The following CNTNAP2 variants were observed in gnomAD, a reference collection of about 807,000 sequenced individuals.
The protein encoded by CNTNAP2 is contactin-associated protein-like 2.
In CNTNAP2, 98 loss-of-function variants were observed where a neutral mutation model predicts 155.2. The ratio of observed to expected loss-of-function variants is 0.63; its 90% confidence interval spans 0.54 to 0.75. The LOEUF (loss-of-function observed/expected upper bound fraction) is 0.75. Ranked by LOEUF, CNTNAP2 falls within the 30% of genes least tolerant of loss-of-function variation. The pLI, the probability that CNTNAP2 is intolerant of heterozygous loss-of-function variation, is 0.00. For synonymous variants in CNTNAP2, 651 were observed against 631.2 expected, an observed-to-expected ratio of 1.03 and a Z score of -0.47; for missense variants, 1,727 against 1,688.1, an observed-to-expected ratio of 1.02 and a Z score of -0.40.
chr7:147,744,686 G>A (rs950611583), intron 13 of CNTNAP2, among the ~76,000 whole-genome samples: 3 of 152,192 alleles, frequency 2.0e-5, no homozygotes, highest in Non-Finnish European at 4.4e-5. Flanking sequence ...GTTTTCTGGT[G>A]AGGGCTCTCT....
At chr7:146,926,094 T>G (rs1394411053) in intron 3 of CNTNAP2, among the ~76,000 whole-genome samples, 1 of 152,198 alleles carries the variant, frequency 6.6e-6, no homozygotes, top group African/African-American at 2.4e-5. Context: ...ATGCTTATAG[T>G]AGCTGACTGT....
chr7:146,709,520 T>C (rs1239202070), intron 1 of CNTNAP2, among the ~76,000 whole-genome samples: 1 of 152,142 alleles, frequency 6.6e-6, no homozygotes, highest in Admixed American at 6.6e-5. Context: ...AAGCCTAAAG[T>C]TTGTTGCTCA....
At chr7:147,476,767 A>C (rs900995976) in intron 10 of CNTNAP2, among the ~76,000 whole-genome samples, 5 of 152,076 alleles carry the variant, frequency 3.3e-5, no homozygotes, top group African/African-American at 1.2e-4. Flanking sequence ...TTTTCTACTA[A>C]AAATACAAAA....
At chr7:147,957,669 C>T (rs1462400186) in intron 14 of CNTNAP2, among the ~76,000 whole-genome samples, 3 of 152,010 alleles carry the variant, frequency 2.0e-5, no homozygotes, top group Admixed American at 2.0e-4. Context: ...TTTTGCAATT[C>T]TAAAATCATC....
chr7:146,446,613 A>T (rs559760316), intron 1 of CNTNAP2, among the ~76,000 whole-genome samples: 1 of 152,242 alleles, frequency 6.6e-6, no homozygotes, highest in East Asian at 1.9e-4. Flanking sequence ...CATGTGAGAC[A>T]TTGAAACAGT....
intron 1 of CNTNAP2, among the ~76,000 whole-genome samples, chr7:146,677,951 C>T (rs2129169305): frequency 6.6e-6 from 1 of 152,214 alleles, no homozygotes; most frequent in South Asian, 2.1e-4. Flanking sequence ...TCTGGGCCTG[C>T]ATACCTCGCA....
chr7:147,927,318 C>T (rs1022854152), intron 14 of CNTNAP2, among the ~76,000 whole-genome samples: 1 of 152,146 alleles, frequency 6.6e-6, no homozygotes, highest in African/African-American at 2.4e-5. Context: ...TTGAGAAAAA[C>T]TCTGATGGTC....
intron 10 of CNTNAP2, among the ~76,000 whole-genome samples, chr7:147,399,385 G>A (rs1269902499): frequency 6.6e-6 from 1 of 152,164 alleles, no homozygotes; most frequent in East Asian, 1.9e-4. Flanking sequence ...AGAGACGCGT[G>A]TACCCTAGAC....
At chr7:147,421,191 G>A (rs934615660) in intron 10 of CNTNAP2, among the ~76,000 whole-genome samples, 1 of 152,148 alleles carries the variant, frequency 6.6e-6, no homozygotes, top group African/African-American at 2.4e-5. Flanking sequence ...GAAAAGCAGT[G>A]TTTAGCATCA....
chr7:147,435,349 G>A (rs1480330198), intron 10 of CNTNAP2, among the ~76,000 whole-genome samples: 1 of 152,158 alleles, frequency 6.6e-6, no homozygotes, highest in Non-Finnish European at 1.5e-5. Flanking sequence ...CGGTGATTCT[G>A]GAACTTGAGC....
intron 15 of CNTNAP2, among the ~76,000 whole-genome samples, chr7:148,023,205 A>T (rs966870975): frequency 6.6e-6 from 1 of 152,192 alleles, no homozygotes; most frequent in Non-Finnish European, 1.5e-5. Flanking sequence ...AGGGGAGACA[A>T]ATGTCTCTTG....
intron 9 of CNTNAP2, among the ~76,000 whole-genome samples, chr7:147,317,080 A>C (rs1367509156): frequency 6.6e-6 from 1 of 152,298 alleles, no homozygotes; most frequent in Non-Finnish European, 1.5e-5. Context: ...CTATTTAAGT[A>C]TTTATTTATT....
chr7:148,211,342 A>G (rs1250736430), intron 18 of CNTNAP2, among the ~76,000 whole-genome samples: 1 of 152,202 alleles, frequency 6.6e-6, no homozygotes, highest in Non-Finnish European at 1.5e-5. Context: ...GTAAGCAAAT[A>G]TTAAAGGGTT....
At chr7:147,353,585 T>G (rs1282674247) in intron 9 of CNTNAP2, among the ~76,000 whole-genome samples, 1 of 152,190 alleles carries the variant, frequency 6.6e-6, no homozygotes, top group Non-Finnish European at 1.5e-5. Flanking sequence ...TTTGCTATTA[T>G]GAACAGTGCT....
intron 8 of CNTNAP2, among the ~76,000 whole-genome samples, chr7:147,276,503 G>A (rs1804899548): frequency 6.6e-6 from 1 of 151,934 alleles, no homozygotes. Context: ...AGTAACCATT[G>A]TCTCAGCTAT....
chr7:146,737,765 T>G (rs1801645627), intron 1 of CNTNAP2, among the ~76,000 whole-genome samples: 1 of 152,142 alleles, frequency 6.6e-6, no homozygotes, highest in Admixed American at 6.5e-5. Context: ...CTGATTTATT[T>G]TACTTAACAT....
chr7:147,876,345 T>C (rs1213562657), intron 13 of CNTNAP2, among the ~76,000 whole-genome samples: 2 of 147,638 alleles, frequency 1.4e-5, no homozygotes, highest in Non-Finnish European at 3.1e-5. Flanking sequence ...GTTTTGTTTC[T>C]TTTTTTATCA....
intron 8 of CNTNAP2, among the ~76,000 whole-genome samples, chr7:147,263,512 C>T (rs886472732): frequency 1.3e-5 from 2 of 152,134 alleles, no homozygotes; most frequent in Non-Finnish European, 2.9e-5. Context: ...TCCTTGAAAA[C>T]ATAAACAAAA....
intron 14 of CNTNAP2, among the ~76,000 whole-genome samples, chr7:147,936,089 T>C (rs1480370861): frequency 6.6e-6 from 1 of 152,214 alleles, no homozygotes; most frequent in Non-Finnish European, 1.5e-5. Context: ...TACACCTATC[T>C]TGTACTCTTT....
Sources: gnomAD v4.1 joint callset for allele counts (sites outside exome capture counted in the v4.1 genomes callset) on GRCh38, gnomAD v4.1.1 for gene constraint, MANE v1.5 for transcripts, NCBI Gene and HGNC (gene_info 2026-07-23, HGNC 2026-07-21) for gene names.